The following ADAM12 variants were observed in gnomAD, a reference collection of about 807,000 sequenced individuals.
The protein encoded by ADAM12 is ADAM metallopeptidase domain 12, also known as disintegrin and metalloproteinase domain-containing protein 12.
ADAM12 carries 70 observed loss-of-function variants against 106.4 expected under a neutral mutation model. The observed-to-expected ratio is 0.66, with a 90% CI of 0.54 to 0.80. The LOEUF (loss-of-function observed/expected upper bound fraction) is 0.80, where lower values mean the gene tolerates loss of function less well. Ranked by LOEUF, ADAM12 falls within the 30% of genes least tolerant of loss-of-function variation. The pLI is 0.00. For missense variants in ADAM12, 1,010 were observed against 1,171.9 expected, an observed-to-expected ratio of 0.86 and a Z score of 2.02; for synonymous variants, 420 against 433.5, an observed-to-expected ratio of 0.97 and a Z score of 0.39.
intron 3 of ADAM12, among the ~76,000 whole-genome samples, chr10:126,255,402 G>T (rs1565171503): frequency 6.6e-6 from 1 of 152,112 alleles, no homozygotes; most frequent in South Asian, 2.1e-4. Flanking sequence ...TTCGCATTCA[G>T]TCCCAGCTTC....
intron 2 of ADAM12, among the ~76,000 whole-genome samples, chr10:126,307,393 A>T (rs1429620388): frequency 1.3e-5 from 2 of 151,940 alleles, no homozygotes; most frequent in Admixed American, 6.6e-5. Context: ...TTGCTCTGTC[A>T]CCCAGGCTGG....
intron 3 of ADAM12, among the ~76,000 whole-genome samples, chr10:126,179,378 A>C (rs1957273874): frequency 6.6e-6 from 1 of 152,204 alleles, no homozygotes; most frequent in Admixed American, 6.5e-5. Flanking sequence ...CTTTCTTTAC[A>C]CATTGGGCTC....
intron 1 of ADAM12, among the ~76,000 whole-genome samples, chr10:126,348,897 A>C (rs1855251223): frequency 6.6e-6 from 1 of 152,342 alleles, no homozygotes; most frequent in Middle Eastern, 3.4e-3. Context: ...CTAAGAAAAA[A>C]TTCGTTGTTT....
At chr10:126,367,248 GAAATT>G (rs1855943220) in intron 1 of ADAM12, among the ~76,000 whole-genome samples, 1 of 151,606 alleles carries the variant, frequency 6.6e-6, no homozygotes, top group African/African-American at 2.4e-5. Context: ...AATAAAATTA[GAAATT>G]AATAACAAAA....
chr10:126,026,430 C>T (rs187415242), intron 21 of ADAM12, among the ~76,000 whole-genome samples: 6 of 152,286 alleles, frequency 3.9e-5, no homozygotes, highest in Admixed American at 3.3e-4. Flanking sequence ...GCAAGTGGAT[C>T]TGTTATACAA....
intron 2 of ADAM12, among the ~76,000 whole-genome samples, chr10:126,312,860 T>C (rs1961174502): frequency 6.6e-6 from 1 of 152,152 alleles, no homozygotes. Context: ...CATATGCACG[T>C]GAACATATGT....
At position 126,109,837 on chromosome 10, in the gene ADAM12, T is replaced by A; in HGVS notation, c.607A>T (p.Lys203Ter). The A allele has an allele frequency of 6.2e-7, 1 of 1,613,014 alleles. No homozygotes were observed. The change falls in exon 7 of 23, where the codon AAA (lysine) becomes TAA (stop). Residue 203 changes from lysine (K) to a stop codon, truncating the protein, a stop_gained. Coordinates refer to ENST00000448723, the MANE Select transcript of ADAM12 (RefSeq NM_001288973.2). LOFTEE classifies it high-confidence loss of function. ...TTAGTTGCCTTGAGGGTCTCTCTTT[T>A]ATGCTGCCAAGAGTAAACATGCACT... ...PPSQTWARRH[K>*]RETLKATKYV...
chr10:126,153,447 A>G (rs973491869), intron 4 of ADAM12, among the ~76,000 whole-genome samples: 2 of 152,108 alleles, frequency 1.3e-5, no homozygotes, highest in Non-Finnish European at 2.9e-5. Flanking sequence ...TCTTTCCTCA[A>G]TTCAGGGACA....
At chr10:126,222,916 T>C (rs1257758622) in intron 3 of ADAM12, among the ~76,000 whole-genome samples, 2 of 152,176 alleles carry the variant, frequency 1.3e-5, no homozygotes, top group Non-Finnish European at 2.9e-5. Context: ...CTTGGGAAAT[T>C]AGACTTGCAA....
At chr10:126,280,854 A>G (rs147316953) in intron 2 of ADAM12, among the ~76,000 whole-genome samples, 17 of 152,338 alleles carry the variant, frequency 1.1e-4, no homozygotes, top group South Asian at 1.0e-3. Context: ...ACAAAAACAT[A>G]CCAAATTTAT....
At chr10:126,051,430 C>T (rs1388305234) in intron 14 of ADAM12, among the ~76,000 whole-genome samples, 2 of 152,096 alleles carry the variant, frequency 1.3e-5, no homozygotes, top group African/African-American at 2.4e-5. Flanking sequence ...TCCATCCATC[C>T]ACTCGTCCAT....
intron 3 of ADAM12, among the ~76,000 whole-genome samples, chr10:126,200,894 A>T (rs1431778152): frequency 6.6e-6 from 1 of 152,074 alleles, no homozygotes; most frequent in Non-Finnish European, 1.5e-5. Flanking sequence ...AAATCAAAGC[A>T]ACAGAGATGC....
intron 21 of ADAM12, among the ~76,000 whole-genome samples, chr10:126,025,540 T>C (rs999795956): frequency 5.3e-5 from 8 of 152,184 alleles, no homozygotes; most frequent in Admixed American, 2.0e-4. Context: ...CCGGATTATG[T>C]AGAGAGACCA....
chr10:126,242,072 G>T (rs1958537646), intron 3 of ADAM12, among the ~76,000 whole-genome samples: 1 of 150,282 alleles, frequency 6.7e-6, no homozygotes, highest in South Asian at 2.1e-4. Context: ...TTCAATTTAT[G>T]CTTGCAAAGC....
intron 5 of ADAM12, among the ~76,000 whole-genome samples, chr10:126,121,619 C>G (rs560007023): frequency 6.7e-6 from 1 of 149,924 alleles, no homozygotes; most frequent in Non-Finnish European, 1.5e-5. Flanking sequence ...CATCAATCCT[C>G]GAGGAATAGC....
At chr10:126,218,182 G>C (rs1266570202) in intron 3 of ADAM12, among the ~76,000 whole-genome samples, 3 of 151,688 alleles carry the variant, frequency 2.0e-5, no homozygotes, top group East Asian at 3.9e-4. Context: ...GTGTGTGTGT[G>C]GGGGGGCAGG....
intron 3 of ADAM12, among the ~76,000 whole-genome samples, chr10:126,191,312 G>A (rs754667402): frequency 1.3e-5 from 2 of 152,002 alleles, no homozygotes; most frequent in Admixed American, 6.6e-5. Flanking sequence ...GCCTTTATGG[G>A]GTTATAAACC....
intron 1 of ADAM12, among the ~76,000 whole-genome samples, chr10:126,384,900 G>A (rs1387462475): frequency 6.6e-6 from 1 of 152,160 alleles, no homozygotes; most frequent in African/African-American, 2.4e-5. Flanking sequence ...TAAGGGCTCA[G>A]TCCCACAAGA....
intron 3 of ADAM12, among the ~76,000 whole-genome samples, chr10:126,207,986 T>C (rs1030445290): frequency 6.6e-6 from 1 of 152,212 alleles, no homozygotes; most frequent in Non-Finnish European, 1.5e-5. Context: ...TTTCTGATAA[T>C]GTACATTTTA....
Sources: gnomAD v4.1 joint callset for allele counts (sites outside exome capture counted in the v4.1 genomes callset) on GRCh38, gnomAD v4.1.1 for gene constraint, MANE v1.5 for transcripts, NCBI Gene and HGNC (gene_info 2026-07-23, HGNC 2026-07-21) for gene names.